Variants in FXR1 observed in about 807,000 individuals in gnomAD.
The protein encoded by FXR1 is RNA-binding protein FXR1.
A neutral mutation model predicts 84.0 loss-of-function variants in FXR1; 15 were observed. The observed-to-expected ratio is 0.18, with a 90% CI of 0.12 to 0.27. The LOEUF is 0.27. FXR1 is among the 10% of genes least tolerant of loss of function. The pLI, the probability that FXR1 is intolerant of heterozygous loss-of-function variation, is 1.00. For missense variants in FXR1, 480 were observed against 774.4 expected (o/e 0.62, Z 4.51); for synonymous variants, 245 against 250.7 (o/e 0.98, Z 0.21).
At chr3:180,912,783 G>A in intron 1 of FXR1, 47 bp downstream of exon 1, 1 of 1,613,866 alleles carries the variant, frequency 6.2e-7, no homozygotes, top group Non-Finnish European at 8.5e-7. Flanking sequence ...GTGCTGGAGC[G>A]CGTTTGAGGG....
At chr3:180,958,384 C>T (rs1490122230) in intron 10 of FXR1, among the ~76,000 whole-genome samples, 1 of 152,058 alleles carries the variant, frequency 6.6e-6, no homozygotes, top group Non-Finnish European at 1.5e-5. Context: ...TCTCTCACCC[C>T]CCTCCCAACC....
chr3:180,973,035 A>G (rs1057216737), intron 15 of FXR1, among the ~76,000 whole-genome samples: 5 of 152,228 alleles, frequency 3.3e-5, no homozygotes, highest in African/African-American at 1.2e-4. Context: ...ATGTGACAAT[A>G]CACACTGGTG....
chr3:180,949,259 C>T lies in FXR1; in HGVS notation c.546C>T (p.Asn182=). The T allele has an allele frequency of 6.3e-7, 1 of 1,599,850 alleles. No individual in the cohort carries two copies. The highest frequency in any genetic ancestry group is 8.6e-7 in the Non-Finnish European group (1 of 1,166,934). ...GTGAAGCAACTGTGAAGAGAGTAAA[C>T]ATCTTAAGTGACATGCATTTGCGAA... ...SASEATVKRV[N]ILSDMHLRSI... is the part of the protein sequence containing the mutation. The change falls in exon 7 of 17, where the codon AAC becomes AAT. Residue 182 remains asparagine (N), a synonymous_variant. Transcript: ENST00000357559.
intron 1 of FXR1, among the ~76,000 whole-genome samples, chr3:180,919,766 C>T (rs1171945256): frequency 6.6e-6 from 1 of 151,862 alleles, no homozygotes; most frequent in Non-Finnish European, 1.5e-5. Flanking sequence ...CTCTGCCTCC[C>T]GGGTTCAAGC....
chr3:180,968,336 C>T, intron 14 of FXR1, 82 bp downstream of exon 14: 1 of 926,258 alleles, frequency 1.1e-6, no homozygotes, highest in South Asian at 1.5e-5. Flanking sequence ...CCCAGGGCCA[C>T]CCATTTTTGG....
In FXR1 at chr3:180,935,147, A is replaced by G; in HGVS notation, c.114A>G (p.Pro38=). 1 of 1,559,294 alleles carries G rather than the reference A, an allele frequency of 6.4e-7. No homozygotes were observed. The highest frequency in any genetic ancestry group is 8.8e-7 in the Non-Finnish European group (1 of 1,131,230). Residue 38 remains proline (P), a synonymous_variant, in exon 3 of 17, where the codon CCA becomes CCG. Coordinates refer to ENST00000357559, the MANE Select transcript of FXR1 (RefSeq NM_005087.4). ...LTVVFENNWQ[P]ERQVPFNEVR... ...TTTTCTAATCCTTCAGTTGGCAACC[A>G]GAACGCCAGGTTCCATTTAATGAAG...
intron 11 of FXR1, 26 bp downstream of exon 11, chr3:180,961,580 C>A: frequency 2.0e-6 from 2 of 1,019,610 alleles, no homozygotes; most frequent in Non-Finnish European, 3.1e-6. Context: ...ATACTATATT[C>A]TGATATTGTT....
At chr3:180,939,229 C>A (rs1720863737) in intron 3 of FXR1, among the ~76,000 whole-genome samples, 3 of 152,164 alleles carry the variant, frequency 2.0e-5, no homozygotes, top group South Asian at 4.1e-4. Context: ...TCTACATCTG[C>A]TTCCCTGCAC....
chr3:180,964,671 A>ATT (rs1374562227), intron 13 of FXR1, among the ~76,000 whole-genome samples: 23 of 87,038 alleles, frequency 2.6e-4, no homozygotes, highest in African/African-American at 1.0e-3. Flanking sequence ...CTTGTAGTTG[A>ATT]TTTATATATA....
At chr3:180,976,025 A>G (rs564815588) in intron 16 of FXR1, 97 bp from the exon 17 acceptor site, 1 of 911,692 alleles carries the variant, frequency 1.1e-6, no homozygotes, top group Non-Finnish European at 1.7e-6. Context: ...TAAAACTGAA[A>G]TTTTTAATTA....
At chr3:180,935,973 C>T (rs1006564681) in intron 3 of FXR1, among the ~76,000 whole-genome samples, 1 of 152,088 alleles carries the variant, frequency 6.6e-6, no homozygotes, top group Non-Finnish European at 1.5e-5. Context: ...CTCACTGCAA[C>T]CTCTGCCTCC....
At chr3:180,918,577 T>A (rs890283937) in intron 1 of FXR1, among the ~76,000 whole-genome samples, 1 of 152,234 alleles carries the variant, frequency 6.6e-6, no homozygotes, top group African/African-American at 2.4e-5. Flanking sequence ...ATTAGCTTTT[T>A]TGTAGTGGGA....
chr3:180,967,973 T>A (rs937484351), intron 13 of FXR1, 78 bp from the exon 14 acceptor site: 3 of 911,308 alleles, frequency 3.3e-6, no homozygotes, highest in Non-Finnish European at 3.6e-6. Flanking sequence ...TAAACAATAA[T>A]TTGTAGGACA....
intron 3 of FXR1, among the ~76,000 whole-genome samples, chr3:180,945,436 G>A (rs1721596487): frequency 1.3e-5 from 2 of 151,768 alleles, no homozygotes; most frequent in Non-Finnish European, 2.9e-5. Flanking sequence ...ACAGGGTCTC[G>A]TTCTGTCACC....
intron 13 of FXR1, among the ~76,000 whole-genome samples, chr3:180,964,496 G>A (rs1250802906): frequency 1.3e-5 from 2 of 151,984 alleles, no homozygotes; most frequent in Admixed American, 1.3e-4. Flanking sequence ...ATTCAAGAAA[G>A]CTGTGCAAAT....
rs1286578605 is a variant in FXR1, at chr3:180,980,680, G to C, written c.*4388G>C. ...GTGTTAGCAAATGTTAACCATAACA[G>C]ATTATCCCATATCATTGGACTGTTC... is the stretch of plus-strand genomic sequence containing the variant. On this transcript the variant is annotated 3_prime_UTR_variant, in exon 17 of 17. Coordinates refer to ENST00000357559, the MANE Select transcript of FXR1 (RefSeq NM_005087.4). 6.6e-6 allele frequency: 1 copy of C among 151,984 alleles called. No homozygotes were observed. The highest frequency in any genetic ancestry group is 1.5e-5 in the Non-Finnish European group (1 of 67,914). The allele number at this position is 151,984 out of a possible 1,614,324, so 9.4% of individuals were successfully genotyped here.
intron 10 of FXR1, among the ~76,000 whole-genome samples, chr3:180,959,382 TAGAAC>T (rs1419106820): frequency 6.6e-6 from 1 of 151,978 alleles, no homozygotes; most frequent in African/African-American, 2.4e-5. Flanking sequence ...TGATTATCCT[TAGAAC>T]AGAAACTATT....
intron 13 of FXR1, among the ~76,000 whole-genome samples, chr3:180,965,047 G>A (rs1712640326): frequency 6.6e-6 from 1 of 151,198 alleles, no homozygotes; most frequent in South Asian, 2.1e-4. Flanking sequence ...ACGGAGTTTC[G>A]CTCTTGTTGC....
At chr3:180,930,339 T>C (rs897460139) in intron 1 of FXR1, among the ~76,000 whole-genome samples, 4 of 152,012 alleles carry the variant, frequency 2.6e-5, no homozygotes, top group Admixed American at 1.3e-4. Context: ...TTGATACTGA[T>C]GTTTATGGTG....
Sources: allele counts gnomAD v4.1 joint callset (sites outside exome capture counted in the v4.1 genomes callset), GRCh38; gene constraint gnomAD v4.1.1; transcripts MANE v1.5; gene names NCBI Gene and HGNC (gene_info 2026-07-23, HGNC 2026-07-21).